Variants in SH3BP1 observed in about 807,000 individuals in gnomAD.
SH3BP1 encodes SH3 domain-binding protein 1.
Under a neutral mutation model 69.8 loss-of-function variants are expected in SH3BP1, and 46 were observed. The observed-to-expected ratio is 0.66, with a 90% CI of 0.52 to 0.84. SH3BP1 has a LOEUF of 0.84. SH3BP1 is among the 40% of genes least tolerant of loss of function. SH3BP1 has a pLI of 0.00. For missense variants in SH3BP1, 868 were observed against 930.9 expected (o/e 0.93, Z 0.88); for synonymous variants, 403 against 378.0 (o/e 1.07, Z -0.77).
chr22:37,643,273 G>T, intron 6 of SH3BP1, 99 bp downstream of exon 6: 1 of 1,048,556 alleles, frequency 9.5e-7, no homozygotes, highest in South Asian at 1.4e-5. Flanking sequence ...GATGCTGTGG[G>T]GTCTGCTGAG....
rs747219935 is a variant in SH3BP1, at chr22:37,643,151, C to T, written c.450C>T (p.Ser150=). Residue 150 remains serine (S), a synonymous_variant, in exon 6 of 18, where the codon TCC becomes TCT. Transcript: ENST00000649765. ...KHKKSLQKLV[S]DWNTLKSRLS... ...AGAAAAGCCTCCAGAAGCTCGTGTCCGACTGGAACACACTCAAGAGCAGGT... is the reference window on the plus strand; with the variant it reads ...AGAAAAGCCTCCAGAAGCTCGTGTCTGACTGGAACACACTCAAGAGCAGGT... 6.8e-6 allele frequency: 11 copies of T among 1,607,078 alleles called. No individual in the cohort carries two copies. The highest frequency in any genetic ancestry group is 1.3e-5 in the African/African-American group (1 of 74,702).
chr22:37,650,358 C>T (rs1156855770), intron 15 of SH3BP1, 109 bp downstream of exon 15: 2 of 1,498,686 alleles, frequency 1.3e-6, no homozygotes, highest in Admixed American at 4.3e-5. Context: ...GTCTGAGCCT[C>T]AGTTTCTCAT....
rs1202039333 is a variant in SH3BP1, at chr22:37,655,377, G to A, written c.1799G>A (p.Gly600Glu). The A allele has an allele frequency of 1.4e-6, 2 of 1,435,816 alleles. No homozygotes were observed. Among genetic ancestry groups the A allele is most frequent in the Admixed American group, 2.2e-5 (1 of 45,574 alleles). 88.9% of individuals were successfully genotyped at this position (1,435,816 alleles called of 1,614,324 possible). ...TTGCCCCCTGGCTCTGGCAGCCCTG[G>A]GACCCCCCAAGCCCTGCCCCGACGT... ...PPLPPGSGSP[G>E]TPQALPRRLV... is the part of the protein sequence containing the mutation. Residue 600 changes from glycine to glutamate, a missense_variant, in exon 18 of 18, where the codon GGG (glycine) becomes GAG (glutamate). Gly to Glu is a moderately conservative substitution (Grantham distance 98, BLOSUM62 -2). Around this residue, in one of 3 missense-constraint regions of SH3BP1, gnomAD observed 474 missense variants for 462.3 expected, o/e 1.03. Coordinates refer to ENST00000649765, the MANE Select transcript of SH3BP1 (RefSeq NM_018957.6).
intron 10 of SH3BP1, among the ~76,000 whole-genome samples, chr22:37,646,211 C>CCTCA (rs1338278630): frequency 6.6e-6 from 1 of 151,604 alleles, no homozygotes; most frequent in Non-Finnish European, 1.5e-5. Context: ...GATCCACCTG[C>CCTCA]CTCAGCCTCC....
chr22:37,655,217 T>G, intron 17 of SH3BP1, 55 bp from the exon 18 acceptor site: 1 of 1,333,084 alleles, frequency 7.5e-7, no homozygotes, highest in Non-Finnish European at 1.0e-6. Context: ...GCTTGGTGGA[T>G]TCACCACAGG....
At chr22:37,647,192 C>G (rs1300060820) in intron 11 of SH3BP1, 75 bp from the exon 12 acceptor site, 4 of 1,312,542 alleles carry the variant, frequency 3.0e-6, no homozygotes, top group East Asian at 2.3e-5. Context: ...GAACAAGGGC[C>G]GGAGGTTCCT....
At chr22:37,654,496 G>A (rs1196292317) in intron 17 of SH3BP1, among the ~76,000 whole-genome samples, 2 of 152,034 alleles carry the variant, frequency 1.3e-5, no homozygotes, top group Middle Eastern at 3.4e-3. Flanking sequence ...ACTTGAACCC[G>A]GGAGGCAGAA....
At chr22:37,646,056 T>G (rs1471286430) in intron 10 of SH3BP1, among the ~76,000 whole-genome samples, 8 of 149,472 alleles carry the variant, frequency 5.4e-5, no homozygotes, top group Non-Finnish European at 1.2e-4. Context: ...AGCCTCTGTC[T>G]CCTGGGTTCA....
At chr22:37,643,914 C>CT in intron 7 of SH3BP1, 126 bp downstream of exon 7, 1 of 1,051,822 alleles carries the variant, frequency 9.5e-7, no homozygotes, top group Non-Finnish European at 1.4e-6. Flanking sequence ...TGGCTAGGAG[C>CT]CAGCAGAGCT....
At position 37,644,540 on chromosome 22, in the gene SH3BP1, G is replaced by A. The variant is rs376585694; in HGVS notation, c.619-97G>A. On this transcript the variant is annotated intron_variant, in intron 7 of 17. Coordinates refer to ENST00000649765, the MANE Select transcript of SH3BP1 (RefSeq NM_018957.6). ...GCTGGGACCTTCCACCTGCAGTTGTGTGGCCTGGGGGAGGTCACCAACCCT... is the reference window on the plus strand; with the variant it reads ...GCTGGGACCTTCCACCTGCAGTTGTATGGCCTGGGGGAGGTCACCAACCCT... 8.2e-5 allele frequency: 97 copies of A among 1,176,772 alleles called. 1 individual carries two copies. The South Asian group carries it at 1.1e-3, about 13-fold the overall frequency. The allele number at this position is 1,176,772 out of a possible 1,614,324, so 72.9% of individuals were successfully genotyped here. A position where few individuals can be genotyped will look rare whatever the true frequency, so the allele number is the denominator to read the frequency against.
rs1334854270 is a variant in SH3BP1, at chr22:37,647,434, C to T, written c.1119-7C>T. 6.2e-6 allele frequency: 10 copies of T among 1,612,622 alleles called. No homozygotes were observed. The highest frequency in any genetic ancestry group is 1.7e-5 in the Admixed American group (1 of 59,986). ...GCTGGCTGACAGGTCTCTCCACTCC[C>T]CCCCAGCCTGAAGGAGCCAGGGGCC... On this transcript the variant is annotated splice_polypyrimidine_tract_variant and splice_region_variant and intron_variant, in intron 12 of 17. Coordinates refer to ENST00000649765, the MANE Select transcript of SH3BP1 (RefSeq NM_018957.6).
chr22:37,646,290 G>A (rs1291432231), intron 10 of SH3BP1, among the ~76,000 whole-genome samples: 2 of 132,360 alleles, frequency 1.5e-5, no homozygotes, highest in East Asian at 2.2e-4. Flanking sequence ...ACAGGATCTC[G>A]CTCTGTCACC....
At chr22:37,655,169 A>G in intron 17 of SH3BP1, 103 bp from the exon 18 acceptor site, 2 of 785,408 alleles carry the variant, frequency 2.5e-6, no homozygotes, top group East Asian at 3.0e-5. Flanking sequence ...TTCCCGGCAG[A>G]GGGAACAGCA....
At position 37,647,326 on chromosome 22, in the gene SH3BP1, G is replaced by C. The variant is rs1328258930; in HGVS notation, c.1096G>C (p.Asp366His). Residue 366 changes from aspartate (D) to histidine (H), a missense_variant, in exon 12 of 18, where the codon GAT becomes CAT. Physicochemically the swap from Asp to His is moderately conservative, Grantham distance 81. This residue lies in a region of SH3BP1 where 474 missense variants were observed against 462.3 expected (regional missense o/e 1.03). Coordinates refer to ENST00000649765, the MANE Select transcript of SH3BP1 (RefSeq NM_018957.6). ...PEPLMTFDLY[D>H]DWMRAASLKE... ...GCCTCTGATGACCTTCGACCTCTATGATGACTGGATGAGGGCAGCCAGGTG... is the reference window on the plus strand; with the variant it reads ...GCCTCTGATGACCTTCGACCTCTATCATGACTGGATGAGGGCAGCCAGGTG... 1 of 1,614,056 alleles carries C rather than the reference G, an allele frequency of 6.2e-7. No individual in the cohort carries two copies. Among genetic ancestry groups the C allele is most frequent in the Admixed American group, 1.7e-5 (1 of 60,018 alleles).
chr22:37,649,000 A>C (rs573876525), intron 14 of SH3BP1, among the ~76,000 whole-genome samples: 2 of 150,620 alleles, frequency 1.3e-5, no homozygotes, highest in East Asian at 4.1e-4. Flanking sequence ...ATCGCGCCCC[A>C]GGTGTGAGCT....
Position 37,650,560 on chromosome 22 carries a change from C to G in SH3BP1, c.1433C>G (p.Ser478Ter). ...LFPGDINFNV[S>*]GLFSAVTLQD... is the part of the protein sequence containing the mutation. ...TCTCCAGACATCAACTTCAACGTGT[C>G]AGGCCTCTTCTCAGCTGTTACCCTC... is the stretch of plus-strand genomic sequence containing the variant. Residue 478 changes from serine to a stop codon, truncating the protein, a stop_gained, in exon 16 of 18, where the codon TCA becomes TGA. Transcript: ENST00000649765. LOFTEE classifies it high-confidence loss of function. 6.2e-7 allele frequency: 1 copy of G among 1,612,350 alleles called. No individual in the cohort carries two copies. The highest frequency in any genetic ancestry group is 1.1e-5 in the South Asian group (1 of 90,908).
Position 37,643,801 on chromosome 22 carries a change from G to T in SH3BP1, c.618+13G>T. On this transcript the variant is annotated intron_variant, in intron 7 of 17. Transcript: ENST00000649765. ...GGAGCAATGCAGGGTGAGGGCCATG[G>T]GGGTCCCCTGGATATGTAGGGGTGG... 6.2e-7 allele frequency: 1 copy of T among 1,611,776 alleles called. No individual in the cohort carries two copies. The highest frequency in any genetic ancestry group is 1.1e-5 in the South Asian group (1 of 91,050).
At chr22:37,644,047 G>C (rs1932718284) in intron 7 of SH3BP1, among the ~76,000 whole-genome samples, 1 of 152,202 alleles carries the variant, frequency 6.6e-6, no homozygotes, top group African/African-American at 2.4e-5. Context: ...ATGAATAAAT[G>C]AAGAGTGAAT....
rs1271846198 is a variant in SH3BP1, at chr22:37,656,100, A to T, written c.*416A>T. 6 of 1,230,760 alleles carry T rather than the reference A, an allele frequency of 4.9e-6. No homozygotes were observed. The highest frequency in any genetic ancestry group is 1.5e-5 in the African/African-American group (1 of 64,736). The allele number at this position is 1,230,760 out of a possible 1,614,324, so 76.2% of individuals were successfully genotyped here. A position where few individuals can be genotyped will look rare whatever the true frequency, so the allele number is the denominator to read the frequency against. On this transcript the variant is annotated 3_prime_UTR_variant, in exon 18 of 18. Coordinates refer to ENST00000649765, the MANE Select transcript of SH3BP1 (RefSeq NM_018957.6). Reference sequence around the variant, plus strand: ...TCCTTGAAATAAAGAAGCCAATTTTATAAAGGGGAAAACAATACATATTCT... The same window carrying T: ...TCCTTGAAATAAAGAAGCCAATTTTTTAAAGGGGAAAACAATACATATTCT...
Sources: allele counts gnomAD v4.1 joint callset (sites outside exome capture counted in the v4.1 genomes callset), GRCh38; gene constraint gnomAD v4.1.1; regional missense constraint gnomAD v4.1.1; transcripts MANE v1.5; gene names NCBI Gene and HGNC (gene_info 2026-07-23, HGNC 2026-07-21).